The following GALNT16 variants were observed in gnomAD, a reference collection of about 807,000 sequenced individuals.
GALNT16 encodes polypeptide N-acetylgalactosaminyltransferase 16, also known as UDP-GalNAc:polypeptide N-acetylgalactosaminyltransferase-like protein 1.
GALNT16 carries 40 observed loss-of-function variants against 76.1 expected under a neutral mutation model. The observed-to-expected ratio is 0.53, with a 90% CI of 0.41 to 0.68. The LOEUF is 0.68. Among genes scored for constraint, GALNT16 ranks in the 30% least tolerant of loss-of-function variants. GALNT16 has a pLI of 0.00. For missense variants in GALNT16, 621 were observed against 731.9 expected, an observed-to-expected ratio of 0.85 and a Z score of 1.75; for synonymous variants, 276 against 285.2, an observed-to-expected ratio of 0.97 and a Z score of 0.32.
At chr14:69,320,042 C>G (rs2045153827) in intron 1 of GALNT16, among the ~76,000 whole-genome samples, 1 of 152,202 alleles carries the variant, frequency 6.6e-6, no homozygotes, top group South Asian at 2.1e-4. Context: ...TTGTAGTCCC[C>G]TCAGGACACC....
chr14:69,312,459 C>T (rs150453729), intron 1 of GALNT16, among the ~76,000 whole-genome samples: 22 of 152,138 alleles, frequency 1.4e-4, no homozygotes, highest in African/African-American at 4.8e-4. Flanking sequence ...CTCAGCAGTT[C>T]ATCCTGCTCA....
At chr14:69,280,695 A>G (rs1379142455) in intron 1 of GALNT16, among the ~76,000 whole-genome samples, 2 of 152,154 alleles carry the variant, frequency 1.3e-5, no homozygotes, top group African/African-American at 2.4e-5. Context: ...AAAGTATACA[A>G]TGAACATTGT....
intron 12 of GALNT16, among the ~76,000 whole-genome samples, chr14:69,345,137 A>C (rs2045545196): frequency 6.6e-6 from 1 of 152,204 alleles, no homozygotes; most frequent in South Asian, 2.1e-4. Flanking sequence ...TTTTAAGAGA[A>C]GCTAGATTCA....
At chr14:69,277,215 AT>A (rs2044482572) in intron 1 of GALNT16, among the ~76,000 whole-genome samples, 1 of 152,216 alleles carries the variant, frequency 6.6e-6, no homozygotes. Context: ...CTTTATTATT[AT>A]ATTTTCTCCT....
At chr14:69,307,377 C>A (rs2044951202) in intron 1 of GALNT16, among the ~76,000 whole-genome samples, 1 of 152,218 alleles carries the variant, frequency 6.6e-6, no homozygotes, top group Non-Finnish European at 1.5e-5. Flanking sequence ...CTCACTGTTT[C>A]AGCATTTGCT....
At chr14:69,315,897 A>G (rs2045092809) in intron 1 of GALNT16, among the ~76,000 whole-genome samples, 1 of 152,148 alleles carries the variant, frequency 6.6e-6, no homozygotes, top group African/African-American at 2.4e-5. Flanking sequence ...TTTTCAGACA[A>G]GGTTTCTCCA....
intron 1 of GALNT16, among the ~76,000 whole-genome samples, chr14:69,264,801 TCTCTTTTCTTTTTCTTTC>T: frequency 7.9e-6 from 1 of 125,828 alleles, no homozygotes; most frequent in African/African-American, 3.4e-5. Context: ...TTTTTTATTT[TCTCTTTTCTTTTTCTTTC>T]TTTTTTTTTT....
the GALNT16 span, among the ~76,000 whole-genome samples, chr14:69,373,390 A>G: frequency 5.3e-5 from 8 of 152,234 alleles, no homozygotes; most frequent in African/African-American, 1.9e-4. Flanking sequence ...GTCTCAGTTA[A>G]GCGATGTCAT....
chr14:69,331,786 T>C (rs2045355871), intron 7 of GALNT16, among the ~76,000 whole-genome samples: 1 of 152,208 alleles, frequency 6.6e-6, no homozygotes, highest in South Asian at 2.1e-4. Context: ...AGAGCCAGAC[T>C]AGTCTCTCAT....
chr14:69,310,765 T>C (rs369142163), intron 1 of GALNT16, among the ~76,000 whole-genome samples: 2 of 151,988 alleles, frequency 1.3e-5, no homozygotes, highest in African/African-American at 2.4e-5. Context: ...TAAAAAAAAT[T>C]AGGGCTGGGT....
At position 69,328,104 on chromosome 14, in the gene GALNT16, T is replaced by C. The variant is rs535618126; in HGVS notation, c.569-346T>C. On this transcript the variant is annotated intron_variant, in intron 5 of 14. Coordinates refer to ENST00000448469, the MANE Select transcript of GALNT16 (RefSeq NM_001168368.2). ...GGAGGGGACGACCCAGAGGTTCCCA[T>C]GGGAAAAAGTTTTGTTTTCTGGTTC... 2.6e-5 allele frequency among the ~76,000 whole-genome samples: 4 copies of C among 152,260 alleles called. No homozygotes were observed. In the East Asian group the frequency reaches 7.7e-4, roughly 29 times the overall value.
At chr14:69,328,799 C>T (rs2045318144) in intron 6 of GALNT16, among the ~76,000 whole-genome samples, 1 of 152,166 alleles carries the variant, frequency 6.6e-6, no homozygotes, top group Non-Finnish European at 1.5e-5. Context: ...TGGATGAAAG[C>T]CTGGGTGAGC....
chr14:69,307,853 G>A (rs1381849520), intron 1 of GALNT16, among the ~76,000 whole-genome samples: 3 of 152,192 alleles, frequency 2.0e-5, no homozygotes, highest in Non-Finnish European at 4.4e-5. Context: ...GTTGATGTCT[G>A]CAGTACAGGT....
chr14:69,302,373 A>G (rs978811102), intron 1 of GALNT16, among the ~76,000 whole-genome samples: 1 of 152,128 alleles, frequency 6.6e-6, no homozygotes, highest in African/African-American at 2.4e-5. Context: ...TGTCTCTCTC[A>G]TTCTCTCTTT....
chr14:69,279,119 A>G (rs564403964), intron 1 of GALNT16, among the ~76,000 whole-genome samples: 243 of 152,066 alleles, frequency 1.6e-3, no homozygotes, highest in African/African-American at 5.6e-3. Context: ...TTTAGTAGTG[A>G]TGGGGTTTCA....
At chr14:69,259,881 T>C (rs879589576), upstream of GALNT16, 52 of 172,720 alleles carry the variant, frequency 3.0e-4, no homozygotes, top group Non-Finnish European at 4.6e-4. Flanking sequence ...GAGCCGAGGC[T>C]GGCTTTGGCC....
In GALNT16 at chr14:69,328,406, G is replaced by A. The variant is rs750975590; in HGVS notation, c.569-44G>A. On this transcript the variant is annotated intron_variant, in intron 5 of 14. Coordinates refer to ENST00000448469, the MANE Select transcript of GALNT16 (RefSeq NM_001168368.2). ...ACTTTGGGGGACAGGTGGGAAGCCA[G>A]TTGGCCCAGTCCCAGCGCCAAGCCC... 17 of 1,593,418 alleles carry A rather than the reference G, an allele frequency of 1.1e-5. No homozygotes were observed. The South Asian group carries it at 1.9e-4, about 18-fold the overall frequency.
Position 69,347,873 on chromosome 14 carries a change from G to A in GALNT16, c.1414-4G>A, listed in dbSNP as rs1363368101. 4 of 1,612,950 alleles carry A rather than the reference G, an allele frequency of 2.5e-6. No homozygotes were observed. The highest frequency in any genetic ancestry group is 3.4e-6 in the Non-Finnish European group (4 of 1,179,988). On this transcript the variant is annotated splice_region_variant and splice_polypyrimidine_tract_variant and intron_variant, in intron 13 of 14. Transcript: ENST00000448469. ...ACTTGGCCTTTCTGCTCCCTGCCTTGCAGGCATGGCTGTTCAGTGACCACC... is the reference window on the plus strand; with the variant it reads ...ACTTGGCCTTTCTGCTCCCTGCCTTACAGGCATGGCTGTTCAGTGACCACC...
chr14:69,377,080 G>C, the GALNT16 span, among the ~76,000 whole-genome samples: 104 of 152,344 alleles, frequency 6.8e-4, no homozygotes, highest in Middle Eastern at 6.8e-3. Flanking sequence ...AGAAACACTT[G>C]ATGATGCTGG....
Sources: allele counts gnomAD v4.1 joint callset (sites outside exome capture counted in the v4.1 genomes callset), GRCh38; gene constraint gnomAD v4.1.1; transcripts MANE v1.5; gene names NCBI Gene and HGNC (gene_info 2026-07-23, HGNC 2026-07-21).